Variants in HNF1B observed in about 807,000 individuals in gnomAD.
The protein encoded by HNF1B is hepatocyte nuclear factor 1-beta.
In HNF1B, 8 loss-of-function variants were observed where a neutral mutation model predicts 61.7. The ratio of observed to expected loss-of-function variants is 0.13; its 90% CI spans 0.08 to 0.23. The LOEUF (loss-of-function observed/expected upper bound fraction) is 0.23. Ranked by LOEUF, HNF1B falls within the 10% of genes least tolerant of loss-of-function variation. The pLI, the probability that HNF1B is intolerant of heterozygous loss-of-function variation, is 1.00. For synonymous variants in HNF1B, 314 were observed against 287.7 expected (o/e 1.09, Z -0.93); for missense variants, 562 against 714.5 (o/e 0.79, Z 2.43).
intron 4 of HNF1B, among the ~76,000 whole-genome samples, chr17:37,726,139 T>A (rs1430757928): frequency 7.0e-6 from 1 of 142,930 alleles, no homozygotes; most frequent in East Asian, 1.9e-4. Flanking sequence ...CTGGGGGCTG[T>A]GTGTGTGTGT....
In HNF1B at chr17:37,731,463, G is replaced by A; in HGVS notation, c.1045+132C>T. ...CATTATTTCCAGGGGAGTATATTCTGGCAATGAGAGAGCGGCCCTAGGATC... is the reference window on the plus strand; with the variant it reads ...CATTATTTCCAGGGGAGTATATTCTAGCAATGAGAGAGCGGCCCTAGGATC... On this transcript the variant is annotated intron_variant, in intron 4 of 8. Transcript: ENST00000617811. 3.9e-6 allele frequency: 3 copies of A among 762,380 alleles called. 1 individual carries two copies. In the East Asian group the frequency reaches 8.0e-5, roughly 20 times the overall value. The allele number at this position is 762,380 out of a possible 1,614,324, so 47.2% of individuals were successfully genotyped here.
At chr17:37,733,530 G>A in intron 3 of HNF1B, 27 bp downstream of exon 3, 1 of 1,613,948 alleles carries the variant, frequency 6.2e-7, no homozygotes, top group Non-Finnish European at 8.5e-7. Flanking sequence ...TTGCCCACCT[G>A]CCCAGGTGAG....
intron 4 of HNF1B, among the ~76,000 whole-genome samples, chr17:37,725,518 T>TA (rs2033467290): frequency 2.0e-5 from 3 of 152,176 alleles, no homozygotes; most frequent in Admixed American, 6.5e-5. Context: ...ACCCACAAGA[T>TA]AAAATGACCT....
chr17:37,715,692 T>C (rs1223558524), intron 4 of HNF1B, among the ~76,000 whole-genome samples: 1 of 152,226 alleles, frequency 6.6e-6, no homozygotes, highest in East Asian at 1.9e-4. Flanking sequence ...CTCCACTGCT[T>C]CACAGTAACT....
At position 37,744,923 on chromosome 17, in the gene HNF1B, T is replaced by C. The variant is rs769034021; in HGVS notation, c.-39A>G. On this transcript the variant is annotated 5_prime_UTR_variant, in exon 1 of 9. Coordinates refer to ENST00000617811, the MANE Select transcript of HNF1B (RefSeq NM_000458.4). ...AAAAAGAAGGGGGTGAGGGGGTGGG[T>C]GGGTGCGAGAGAGGAGGGTGGAGGG... The C allele has an allele frequency of 8.4e-6, 3 of 357,102 alleles. No individual in the cohort carries two copies. The highest frequency in any genetic ancestry group is 1.6e-5 in the Non-Finnish European group (3 of 184,546). The allele number at this position is 357,102 out of a possible 1,614,324, so 22.1% of individuals were successfully genotyped here.
intron 6 of HNF1B, 127 bp from the exon 7 acceptor site, chr17:37,701,304 T>C: frequency 1.2e-6 from 1 of 861,882 alleles, no homozygotes; most frequent in African/African-American, 1.7e-5. Context: ...GGAGATTCCA[T>C]GGGAGGCAAG....
chr17:37,728,355 A>G (rs535603402), intron 4 of HNF1B, among the ~76,000 whole-genome samples: 43 of 146,258 alleles, frequency 2.9e-4, no homozygotes, highest in Admixed American at 1.1e-3. Flanking sequence ...CACCCAGGCT[A>G]GAGTGCAGTG....
chr17:37,715,234 C>T (rs1481680525), intron 4 of HNF1B, among the ~76,000 whole-genome samples: 1 of 152,116 alleles, frequency 6.6e-6, no homozygotes, highest in Non-Finnish European at 1.5e-5. Context: ...TTCTCTGCCT[C>T]TTAAAGAAAG....
intron 8 of HNF1B, among the ~76,000 whole-genome samples, chr17:37,690,985 C>T (rs1203053611): frequency 1.3e-5 from 2 of 152,092 alleles, no homozygotes; most frequent in Admixed American, 1.3e-4. Flanking sequence ...AAGAATGAGG[C>T]CCGGGGCCCT....
Position 37,745,013 on chromosome 17 carries a change from C to CT in HNF1B, c.-130dup. The CT allele has an allele frequency of 1.3e-6, 1 of 779,334 alleles. No individual in the cohort carries two copies. Among genetic ancestry groups the CT allele is most frequent in the East Asian group, 2.7e-5 (1 of 37,274 alleles). The allele number at this position is 779,334 out of a possible 1,614,324, so 48.3% of individuals were successfully genotyped here. On this transcript the variant is annotated 5_prime_UTR_variant, in exon 1 of 9. Coordinates refer to ENST00000617811, the MANE Select transcript of HNF1B (RefSeq NM_000458.4). ...CCCTTCAGCCTCCAGACACCTGTTA[C>CT]TCCCCGGGGTCCCGGAGGCTCCTCC...
At chr17:37,731,468 T>C (rs2033679510) in intron 4 of HNF1B, 127 bp downstream of exon 4, 4 of 777,848 alleles carry the variant, frequency 5.1e-6, no homozygotes, top group Non-Finnish European at 9.0e-6. Flanking sequence ...ATTCTGGCAA[T>C]GAGAGAGCGG....
At position 37,710,513 on chromosome 17, in the gene HNF1B, T is replaced by A; in HGVS notation, c.1196A>T (p.Asp399Val). 2 of 1,614,188 alleles carry A rather than the reference T, an allele frequency of 1.2e-6. No individual in the cohort carries two copies. Among genetic ancestry groups the A allele is most frequent in the Non-Finnish European group, 1.7e-6 (2 of 1,180,026 alleles). Residue 399 changes from aspartate (D) to valine (V), a missense_variant, in exon 5 of 9, where the codon GAT becomes GTT. Physicochemically the swap from Asp to Val is radical, Grantham distance 152 (BLOSUM62 -3). Transcript: ENST00000617811. ...CCCAGGTGTACTCACCATTTTACCATCAGGTGAGAGGAGATTGTGGCCTGG... is the reference window on the plus strand; with the variant it reads ...CCCAGGTGTACTCACCATTTTACCAACAGGTGAGAGGAGATTGTGGCCTGG... ...LDPGHNLLSP[D>V]GKMISVSGGG...
Position 37,698,042 on chromosome 17 carries a change from G to A in HNF1B, c.1653+1034C>T, listed in dbSNP as rs1446888689. ...GCACTCTAGGGCTGGAAGGAGATCG[G>A]GGCAAAGGAAAGGATAGAGAACCCT... On this transcript the variant is annotated intron_variant, in intron 8 of 8. Coordinates refer to ENST00000617811, the MANE Select transcript of HNF1B (RefSeq NM_000458.4). Among the ~76,000 whole-genome samples, 4 of 131,674 alleles carry A rather than the reference G, an allele frequency of 3.0e-5. No homozygotes were observed. The East Asian group carries it at 8.7e-4, about 29-fold the overall frequency. 86.4% of individuals were successfully genotyped at this position (131,674 alleles called of 152,430 possible). A position where few individuals can be genotyped will look rare whatever the true frequency, so the allele number is the denominator to read the frequency against.
chr17:37,687,369 G>C lies in HNF1B; in HGVS notation c.*3C>G. The C allele has an allele frequency of 6.2e-7, 1 of 1,613,958 alleles. No homozygotes were observed. The highest frequency in any genetic ancestry group is 8.5e-7 in the Non-Finnish European group (1 of 1,179,932). On this transcript the variant is annotated 3_prime_UTR_variant, in exon 9 of 9. Transcript: ENST00000617811. Reference sequence around the variant, plus strand: ...TGCGCACGAAGTAAGTGGTGTGTGGGCATCACCAGGCTTGTAGAGGACACT... The same window carrying C: ...TGCGCACGAAGTAAGTGGTGTGTGGCCATCACCAGGCTTGTAGAGGACACT...
chr17:37,740,547 A>G (rs540272603), intron 1 of HNF1B, among the ~76,000 whole-genome samples: 25 of 152,200 alleles, frequency 1.6e-4, no homozygotes, highest in South Asian at 4.2e-4. Context: ...ATAGTAAATA[A>G]TTTTCAGAGT....
At chr17:37,689,815 G>A (rs11263756) in intron 8 of HNF1B, among the ~76,000 whole-genome samples, 16,006 of 152,176 alleles carry the variant, frequency 0.11, 1,658 homozygotes, top group African/African-American at 0.27. Context: ...TCACTGCCTC[G>A]AGTTCTTACG....
intron 2 of HNF1B, among the ~76,000 whole-genome samples, chr17:37,738,189 G>A (rs543721989): frequency 6.6e-6 from 1 of 151,908 alleles, no homozygotes; most frequent in Admixed American, 6.6e-5. Flanking sequence ...TAAAGAGCTA[G>A]TCACCAAGTA....
At chr17:37,705,679 A>AT (rs1270550593) in intron 5 of HNF1B, among the ~76,000 whole-genome samples, 1 of 152,028 alleles carries the variant, frequency 6.6e-6, no homozygotes, top group African/African-American at 2.4e-5. Flanking sequence ...TTCCTCATTG[A>AT]TTTTTTTCCA....
intron 6 of HNF1B, among the ~76,000 whole-genome samples, chr17:37,703,176 G>C (rs1365615230): frequency 6.6e-6 from 1 of 152,204 alleles, no homozygotes; most frequent in Non-Finnish European, 1.5e-5. Flanking sequence ...TAGGACCTCT[G>C]TGTCTCAGCA....
Sources: gnomAD v4.1 joint callset for allele counts (sites outside exome capture counted in the v4.1 genomes callset) on GRCh38, gnomAD v4.1.1 for gene constraint, MANE v1.5 for transcripts, NCBI Gene and HGNC (gene_info 2026-07-23, HGNC 2026-07-21) for gene names.